NLRC5: variants seen among roughly 807,000 people sequenced by gnomAD.
NLRC5 encodes NLR family CARD domain containing 5.
Under a neutral mutation model 206.9 loss-of-function variants are expected in NLRC5, and 114 were observed. The ratio of observed to expected loss-of-function variants is 0.55; its 90% CI spans 0.47 to 0.64. The LOEUF is 0.64. NLRC5 is among the 30% of genes least tolerant of loss of function. The pLI, the probability that NLRC5 is intolerant of heterozygous loss-of-function variation, is 0.00. For missense variants in NLRC5, 2,008 were observed against 2,305.5 expected (o/e 0.87, Z 2.64); for synonymous variants, 952 against 962.8 (o/e 0.99, Z 0.21).
chr16:57,059,384 T>A, intron 29 of NLRC5, 83 bp from the exon 30 acceptor site: 1 of 1,540,854 alleles, frequency 6.5e-7, no homozygotes, highest in East Asian at 2.4e-5. Context: ...CCCGCTTCCC[T>A]CTCTGTGCCC....
intron 1 of NLRC5, among the ~76,000 whole-genome samples, chr16:57,009,331 T>C (rs555686273): frequency 1.4e-5 from 2 of 144,140 alleles, no homozygotes; most frequent in East Asian, 2.1e-4. Flanking sequence ...CAGTGGCTCA[T>C]GCCTCTAATC....
At position 57,045,531 on chromosome 16, in the gene NLRC5, G is replaced by A. The variant is rs191242097; in HGVS notation, c.3248+39G>A. ...GCTCGGGGTGGGGGAGTCCCCTCCCGCTCTGGTCCCCGTCTGTTGGAGGTC... is the reference window on the plus strand; with the variant it reads ...GCTCGGGGTGGGGGAGTCCCCTCCCACTCTGGTCCCCGTCTGTTGGAGGTC... On this transcript the variant is annotated intron_variant, in intron 21 of 48. Coordinates refer to ENST00000688547, the MANE Select transcript of NLRC5 (RefSeq NM_001384950.1). 4.5e-3 allele frequency: 7,183 copies of A among 1,598,344 alleles called. 21 individuals are homozygous for A. Among genetic ancestry groups the A allele is most frequent in the Non-Finnish European group, 5.5e-3 (6,461 of 1,166,984 alleles).
In NLRC5 at chr16:57,040,732, C is replaced by T. The variant is rs141710025; in HGVS notation, c.2939+14C>T. On this transcript the variant is annotated intron_variant, in intron 17 of 48. Transcript: ENST00000688547. The stretch of plus-strand genomic sequence containing the variant: ...CCGAAGGATGAGGTACAGTGATGGC[C>T]TCCAGCCCTGTGTGTGATTCCAGCC... 217 of 1,611,892 alleles carry T rather than the reference C, an allele frequency of 1.3e-4. No individual in the cohort carries two copies. The African/African-American group carries it at 2.5e-3, about 19-fold the overall frequency.
At chr16:57,067,546 C>A in intron 35 of NLRC5, 76 bp downstream of exon 35, 1 of 1,448,770 alleles carries the variant, frequency 6.9e-7, no homozygotes, top group Non-Finnish European at 9.7e-7. Context: ...CCATGTGTGA[C>A]CCTGGCATTC....
chr16:57,019,291 G>A (rs1255026884), intron 2 of NLRC5, among the ~76,000 whole-genome samples: 1 of 152,196 alleles, frequency 6.6e-6, no homozygotes, highest in African/African-American at 2.4e-5. Flanking sequence ...CAGCTACTCG[G>A]GAGGCTGAGG....
chr16:57,046,309 T>C (rs753295863), intron 21 of NLRC5, among the ~76,000 whole-genome samples: 5 of 152,210 alleles, frequency 3.3e-5, no homozygotes, highest in Non-Finnish European at 5.9e-5. Context: ...CTGGCTTTTC[T>C]AACTCAGGCT....
chr16:57,007,577 A>G (rs1242296976), intron 1 of NLRC5, among the ~76,000 whole-genome samples: 3 of 151,974 alleles, frequency 2.0e-5, no homozygotes, highest in Non-Finnish European at 1.5e-5. Context: ...ACAAAAAAAA[A>G]AAATTAATCA....
chr16:57,070,230 A>C (rs1251039495), intron 37 of NLRC5, among the ~76,000 whole-genome samples: 1 of 142,352 alleles, frequency 7.0e-6, no homozygotes, highest in Non-Finnish European at 1.5e-5. Context: ...GGCTACGGAG[A>C]GGGCTGAAGA....
At chr16:57,037,004 T>A (rs1481220507) in intron 14 of NLRC5, among the ~76,000 whole-genome samples, 191 bp from the exon 15 acceptor site, 2 of 151,976 alleles carry the variant, frequency 1.3e-5, no homozygotes, top group African/African-American at 4.8e-5. Context: ...ATTTTCCAAA[T>A]GGGATGGGGG....
chr16:57,042,076 C>G lies in NLRC5; in HGVS notation c.3113+11C>G. The G allele has an allele frequency of 1.3e-6, 2 of 1,504,524 alleles. No homozygotes were observed. The highest frequency in any genetic ancestry group is 1.8e-6 in the Non-Finnish European group (2 of 1,126,042). 93.2% of individuals were successfully genotyped at this position (1,504,524 alleles called of 1,614,324 possible). Reference sequence around the variant, plus strand: ...TCTGCAGTCCTTGAAGTGAGTAGCCCGCTAGGCAGAGCCTCTGAGGCTGGG... The same window carrying G: ...TCTGCAGTCCTTGAAGTGAGTAGCCGGCTAGGCAGAGCCTCTGAGGCTGGG... On this transcript the variant is annotated intron_variant, in intron 19 of 48. Coordinates refer to ENST00000688547, the MANE Select transcript of NLRC5 (RefSeq NM_001384950.1).
At chr16:57,046,178 C>T (rs1373930485) in intron 21 of NLRC5, among the ~76,000 whole-genome samples, 5 of 152,216 alleles carry the variant, frequency 3.3e-5, no homozygotes, top group South Asian at 2.1e-4. Context: ...GGGGAACCCC[C>T]GGGTTCTTGA....
intron 34 of NLRC5, among the ~76,000 whole-genome samples, chr16:57,066,836 C>T (rs1373568538): frequency 6.6e-6 from 1 of 152,236 alleles, no homozygotes; most frequent in Admixed American, 6.5e-5. Context: ...TCCCCGAACA[C>T]CATCTTGCTT....
chr16:57,080,923 G>A (rs544797841), intron 46 of NLRC5, 175 bp from the exon 47 acceptor site: 1 of 575,438 alleles, frequency 1.7e-6, no homozygotes, highest in East Asian at 2.9e-5. Flanking sequence ...CAGGGAGGAA[G>A]GTAACCTGCA....
chr16:57,070,248 G>GGTGT (rs36048473), intron 37 of NLRC5, among the ~76,000 whole-genome samples: 3,107 of 149,890 alleles, frequency 0.021, 41 homozygotes, highest in Middle Eastern at 0.079. Flanking sequence ...AGAACAAGAG[G>GGTGT]GTGTGTGTGT....
Position 57,079,302 on chromosome 16 carries a change from C to A in NLRC5, c.5237+10C>A. The A allele has an allele frequency of 6.2e-7, 1 of 1,613,144 alleles. No individual in the cohort carries two copies. Among genetic ancestry groups the A allele is most frequent in the South Asian group, 1.1e-5 (1 of 91,088 alleles). On this transcript the variant is annotated intron_variant, in intron 45 of 48. Transcript: ENST00000688547. ...TGCTCAGACAGATAGAGTAAGTAGCCTCCCCTGCCTGCCTAGGGGACCAGT... is the reference window on the plus strand; with the variant it reads ...TGCTCAGACAGATAGAGTAAGTAGCATCCCCTGCCTGCCTAGGGGACCAGT...
rs1597147182 is a variant in NLRC5 at position 57,013,389 on chromosome 16, T to C, written c.-127-3685T>C. 2.2e-5 allele frequency: 14 copies of C among 630,752 alleles called. No homozygotes were observed. The East Asian group carries it at 3.8e-4, about 17-fold the overall frequency. 39.1% of individuals were successfully genotyped at this position (630,752 alleles called of 1,614,324 possible). ...GTAAACATTCCAAGTTACTAAGCTG[T>C]TGAACAATTTCTTATTTTGAAGATT... is the stretch of plus-strand genomic sequence containing the variant. On this transcript the variant is annotated intron_variant, in intron 1 of 48. Transcript: ENST00000688547.
chr16:57,050,794 T>A (rs1303892412), intron 23 of NLRC5, among the ~76,000 whole-genome samples: 1 of 152,232 alleles, frequency 6.6e-6, no homozygotes, highest in Non-Finnish European at 1.5e-5. Flanking sequence ...GCTGACCTGT[T>A]GTATGCTGAA....
chr16:57,004,229 G>C (rs141445049), intron 1 of NLRC5: 3 of 152,454 alleles, frequency 2.0e-5, no homozygotes, highest in African/African-American at 7.2e-5. Flanking sequence ...GGCCTAGGAG[G>C]GCCGGGGACT....
At chr16:57,032,172 C>T (rs1354872817) in intron 11 of NLRC5, among the ~76,000 whole-genome samples, 10 of 151,978 alleles carry the variant, frequency 6.6e-5, no homozygotes, top group East Asian at 1.9e-4. Context: ...CACTTTGGAA[C>T]GCCAAGCACG....
Sources: gnomAD v4.1 joint callset for allele counts (sites outside exome capture counted in the v4.1 genomes callset) on GRCh38, gnomAD v4.1.1 for gene constraint, MANE v1.5 for transcripts, NCBI Gene and HGNC (gene_info 2026-07-23, HGNC 2026-07-21) for gene names.